Variants in NALCN observed in about 807,000 individuals in gnomAD.
The protein encoded by NALCN is sodium leak channel, non-selective, also known as sodium leak channel NALCN.
Under a neutral mutation model 225.3 loss-of-function variants are expected in NALCN, and 111 were observed. The observed-to-expected ratio is 0.49, with a 90% confidence interval of 0.42 to 0.58. The LOEUF is 0.58. NALCN is among the 20% of genes least tolerant of loss of function. The pLI is 0.00. For synonymous variants in NALCN, 764 were observed against 769.0 expected (o/e 0.99, Z 0.11); for missense variants, 1,378 against 2,202.4 (o/e 0.63, Z 7.49).
intron 15 of NALCN, among the ~76,000 whole-genome samples, chr13:101,160,804 C>T (rs1170956882): frequency 6.6e-6 from 1 of 152,132 alleles, no homozygotes; most frequent in Non-Finnish European, 1.5e-5. Flanking sequence ...CATTGCGAGG[C>T]AATCAGAGAT....
At chr13:101,382,474 G>A (rs1164053061) in intron 3 of NALCN, among the ~76,000 whole-genome samples, 2 of 151,558 alleles carry the variant, frequency 1.3e-5, no homozygotes, top group African/African-American at 4.9e-5. Flanking sequence ...TTCTCCAGTT[G>A]GCAAAAATAA....
chr13:101,196,271 A>G (rs139044172), intron 13 of NALCN, among the ~76,000 whole-genome samples: 84 of 152,304 alleles, frequency 5.5e-4, no homozygotes, highest in Middle Eastern at 3.4e-3. Context: ...TTCTATCTCA[A>G]GTAGCTTCCA....
rs368989286 is a variant in NALCN, at chr13:101,091,200, AATTTAATGAAGAACTG to A, written c.3270-1250_3270-1235del. ...GGAAAATCATGGACTATATTTCTTGAATTTAATGAAGAACTGAGCTCCGGACCACTGACTAGAGTAG... is the reference window on the plus strand; with the variant it reads ...GGAAAATCATGGACTATATTTCTTGAAGCTCCGGACCACTGACTAGAGTAG... On this transcript the variant is annotated intron_variant, in intron 28 of 43. Transcript: ENST00000251127. 1.7e-3 allele frequency among the ~76,000 whole-genome samples: 254 copies of A among 152,262 alleles called. 1 individual carries two copies. The highest frequency in any genetic ancestry group is 5.9e-3 in the African/African-American group (245 of 41,566).
chr13:101,369,881 G>A (rs1233844707), intron 6 of NALCN, among the ~76,000 whole-genome samples: 1 of 152,054 alleles, frequency 6.6e-6, no homozygotes, highest in African/African-American at 2.4e-5. Flanking sequence ...CTCACCACTT[G>A]CTTCAATTTT....
At chr13:101,074,472 G>T (rs776660172) in intron 36 of NALCN, 42 bp downstream of exon 36, 26 of 1,472,234 alleles carry the variant, frequency 1.8e-5, no homozygotes, top group Admixed American at 1.5e-4. Context: ...ATTACCAAAG[G>T]GTTTGCTTGA....
At chr13:101,289,549 T>TATATATATAC (rs1491392183) in intron 9 of NALCN, among the ~76,000 whole-genome samples, 3 of 81,096 alleles carry the variant, frequency 3.7e-5, no homozygotes, top group African/African-American at 1.1e-4. Context: ...TATATATATA[T>TATATATATAC]ACACATATTT....
intron 14 of NALCN, among the ~76,000 whole-genome samples, chr13:101,190,808 G>C (rs2039649611): frequency 6.6e-6 from 1 of 152,202 alleles, no homozygotes; most frequent in Non-Finnish European, 1.5e-5. Context: ...TTTGATGTGA[G>C]TGATTCTTTG....
At chr13:101,223,931 C>G (rs2041040870) in intron 13 of NALCN, among the ~76,000 whole-genome samples, 1 of 152,108 alleles carries the variant, frequency 6.6e-6, no homozygotes, top group Non-Finnish European at 1.5e-5. Flanking sequence ...CTCCTCTAAT[C>G]CCTTCCTACA....
intron 3 of NALCN, among the ~76,000 whole-genome samples, chr13:101,390,900 G>A (rs148911700): frequency 6.9e-4 from 103 of 148,858 alleles, no homozygotes; most frequent in African/African-American, 2.5e-3. Flanking sequence ...TCACAAACCG[G>A]GGCCTGTCAT....
intron 10 of NALCN, among the ~76,000 whole-genome samples, chr13:101,282,280 TA>T (rs911171599): frequency 1.8e-4 from 27 of 151,468 alleles, no homozygotes; most frequent in African/African-American, 9.7e-5. Flanking sequence ...GATGAATGGA[TA>T]AAAAAAATGT....
intron 13 of NALCN, among the ~76,000 whole-genome samples, chr13:101,196,272 G>A (rs1263402699): frequency 6.6e-6 from 1 of 152,002 alleles, no homozygotes; most frequent in Non-Finnish European, 1.5e-5. Flanking sequence ...TCTATCTCAA[G>A]TAGCTTCCAG....
At chr13:101,196,595 C>T (rs2039899979) in intron 13 of NALCN, among the ~76,000 whole-genome samples, 1 of 152,138 alleles carries the variant, frequency 6.6e-6, no homozygotes, top group South Asian at 2.1e-4. Flanking sequence ...AGGTTTTCTT[C>T]TCTGTGTTTT....
intron 43 of NALCN, chr13:101,057,710 C>T: frequency 3.7e-6 from 2 of 543,766 alleles, no homozygotes; most frequent in Non-Finnish European, 6.6e-6. Flanking sequence ...GCTTCTCAAC[C>T]ATGATAGCCT....
chr13:101,082,718 G>C, intron 33 of NALCN, 91 bp downstream of exon 33: 2 of 1,308,188 alleles, frequency 1.5e-6, no homozygotes, highest in Admixed American at 3.4e-5. Flanking sequence ...ATGGAACACA[G>C]AGAGGAGAGT....
chr13:101,163,907 T>A (rs2038312727), intron 15 of NALCN, among the ~76,000 whole-genome samples: 1 of 152,172 alleles, frequency 6.6e-6, no homozygotes, highest in African/African-American at 2.4e-5. Context: ...TCCATGGGAC[T>A]TTTCCAGCTG....
chr13:101,184,759 T>C (rs1320759183), intron 14 of NALCN, among the ~76,000 whole-genome samples: 1 of 152,180 alleles, frequency 6.6e-6, no homozygotes. Context: ...CACAATGGAT[T>C]TTCTGGTTGA....
At position 101,080,588 on chromosome 13, in the gene NALCN, A is replaced by C. The variant is rs534388083; in HGVS notation, c.3885+939T>G. ...TTATAACCAAATAATTATATAATTA[A>C]ATAATTATTAAATTAATTATATAAT... On this transcript the variant is annotated intron_variant, in intron 34 of 43. Coordinates refer to ENST00000251127, the MANE Select transcript of NALCN (RefSeq NM_052867.4). 2.4e-4 allele frequency among the ~76,000 whole-genome samples: 34 copies of C among 139,964 alleles called. No individual in the cohort carries two copies. The South Asian group carries it at 6.4e-3, about 26-fold the overall frequency. 91.8% of individuals were successfully genotyped at this position (139,964 alleles called of 152,430 possible).
chr13:101,080,539 T>G (rs1194736008), intron 34 of NALCN, among the ~76,000 whole-genome samples: 1 of 127,156 alleles, frequency 7.9e-6, no homozygotes, highest in Non-Finnish European at 1.7e-5. Context: ...TATAAGTATA[T>G]AAATAATAAT....
At chr13:101,366,443 A>G (rs1316942259) in intron 6 of NALCN, among the ~76,000 whole-genome samples, 1 of 152,172 alleles carries the variant, frequency 6.6e-6, no homozygotes, top group Admixed American at 6.6e-5. Context: ...CTCTGTCATG[A>G]TTAGGCTATA....
Sources: allele counts gnomAD v4.1 joint callset (sites outside exome capture counted in the v4.1 genomes callset), GRCh38; gene constraint gnomAD v4.1.1; transcripts MANE v1.5; gene names NCBI Gene and HGNC (gene_info 2026-07-23, HGNC 2026-07-21).